The following ZNF532 variants were observed in gnomAD, a reference collection of about 807,000 sequenced individuals.
ZNF532 encodes zinc finger protein 532.
In ZNF532, 22 loss-of-function variants were observed where a neutral mutation model predicts 89.3. That is an observed-to-expected ratio of 0.25 (90% CI 0.18 to 0.35). ZNF532 has a LOEUF of 0.35. Among genes scored for constraint, ZNF532 ranks in the 10% least tolerant of loss-of-function variants. The pLI is 1.00. For synonymous variants in ZNF532, 606 were observed against 649.6 expected, an observed-to-expected ratio of 0.93 and a Z score of 1.02; for missense variants, 1,132 against 1,643.4, an observed-to-expected ratio of 0.69 and a Z score of 5.38.
chr18:58,877,800 G>A (rs78974963), intron 2 of ZNF532, among the ~76,000 whole-genome samples: 743 of 152,312 alleles, frequency 4.9e-3, no homozygotes, highest in East Asian at 0.022. Context: ...TAGGGACAAG[G>A]TTGGGTGTGT....
At chr18:58,972,857 C>T (rs550991145) in intron 7 of ZNF532, among the ~76,000 whole-genome samples, 11 of 152,246 alleles carry the variant, frequency 7.2e-5, no homozygotes, top group South Asian at 4.2e-4. Context: ...TAGAACCTGC[C>T]GATGTTTTCC....
At chr18:58,903,733 CTGAT>C (rs1432648041) in intron 2 of ZNF532, among the ~76,000 whole-genome samples, 1 of 152,050 alleles carries the variant, frequency 6.6e-6, no homozygotes, top group Non-Finnish European at 1.5e-5. Context: ...TGTGGGATAT[CTGAT>C]TGTACATACC....
At chr18:58,936,762 G>A (rs780992410) in intron 4 of ZNF532, among the ~76,000 whole-genome samples, 11 of 152,194 alleles carry the variant, frequency 7.2e-5, no homozygotes, top group South Asian at 4.1e-4. Context: ...AATTTTAAAC[G>A]TAATTCTTTT....
intron 2 of ZNF532, among the ~76,000 whole-genome samples, chr18:58,915,548 C>A (rs2060544138): frequency 6.6e-6 from 1 of 152,260 alleles, no homozygotes; most frequent in South Asian, 2.1e-4. Context: ...CCTAACTCTG[C>A]TTTAGCTGGG....
intron 2 of ZNF532, among the ~76,000 whole-genome samples, chr18:58,890,477 G>C (rs1415104352): frequency 6.6e-6 from 1 of 151,234 alleles, no homozygotes; most frequent in Non-Finnish European, 1.5e-5. Context: ...TGACTTCTGG[G>C]TTTCTTTTTT....
At chr18:58,872,775 C>T (rs532171653) in intron 2 of ZNF532, among the ~76,000 whole-genome samples, 1 of 151,176 alleles carries the variant, frequency 6.6e-6, no homozygotes, top group African/African-American at 2.4e-5. Context: ...TCTCGGCTCA[C>T]TGCAACCTCC....
chr18:58,939,502 A>G lies in ZNF532; in HGVS notation c.2586A>G (p.Gln862=). ...SDVAALKSHI[Q]GSHCEVFYKC... ...TGGCTGCTCTGAAGTCTCACATTCA[A>G]GGTTCTCACTGTGAAGTCTTCTACA... Residue 862 remains glutamine, a synonymous_variant, in exon 5 of 10, where the codon CAA becomes CAG. Transcript: ENST00000591808. 6.2e-7 allele frequency: 1 copy of G among 1,614,074 alleles called. No homozygotes were observed. Among genetic ancestry groups the G allele is most frequent in the Non-Finnish European group, 8.5e-7 (1 of 1,179,996 alleles).
chr18:58,948,435 TACTAAAG>T (rs1359133130), intron 6 of ZNF532, among the ~76,000 whole-genome samples: 3 of 152,186 alleles, frequency 2.0e-5, no homozygotes, highest in African/African-American at 7.2e-5. Context: ...CTGATCTGCC[TACTAAAG>T]ATTAGTGAAA....
chr18:58,959,315 C>T (rs1050514920), intron 7 of ZNF532, among the ~76,000 whole-genome samples: 5 of 148,072 alleles, frequency 3.4e-5, no homozygotes, highest in African/African-American at 7.6e-5. Flanking sequence ...CTCTGTTGCC[C>T]AAGCTAAAGT....
At chr18:58,901,292 A>G (rs973337973) in intron 2 of ZNF532, among the ~76,000 whole-genome samples, 5 of 151,992 alleles carry the variant, frequency 3.3e-5, no homozygotes, top group Non-Finnish European at 4.4e-5. Context: ...GAGTCTAGCT[A>G]TGTTGGCCAG....
intron 7 of ZNF532, among the ~76,000 whole-genome samples, chr18:58,970,904 G>A (rs1379819392): frequency 6.6e-6 from 1 of 152,208 alleles, no homozygotes; most frequent in Non-Finnish European, 1.5e-5. Flanking sequence ...GATGCTGGCA[G>A]CTTGTTAGAA....
chr18:58,941,850 C>T (rs1236434039), intron 5 of ZNF532, among the ~76,000 whole-genome samples: 2 of 147,216 alleles, frequency 1.4e-5, no homozygotes, highest in African/African-American at 2.6e-5. Context: ...CCTCACCTCC[C>T]TTCCTCTTTC....
rs1568315809 is a variant in ZNF532 at position 58,918,907 on chromosome 18, C to G, written c.620C>G (p.Ala207Gly). The G allele has an allele frequency of 1.2e-6, 2 of 1,614,020 alleles. No homozygotes were observed. Among genetic ancestry groups the G allele is most frequent in the Admixed American group, 1.7e-5 (1 of 60,016 alleles). The change falls in exon 3 of 10, where the codon GCC becomes GGC. Residue 207 changes from alanine (A) to glycine (G), a missense_variant. Ala to Gly is a moderately conservative substitution (Grantham distance 60). Coordinates refer to ENST00000591808, the MANE Select transcript of ZNF532 (RefSeq NM_001375912.1). Reference sequence around the variant, plus strand: ...AAAGCTGTTAAGAGAGAAACAGAAGCCAGTTCTATAAACCTGAGTGTTTAT... The same window carrying G: ...AAAGCTGTTAAGAGAGAAACAGAAGGCAGTTCTATAAACCTGAGTGTTTAT... ...KNKAVKRETEASSINLSVYEP... is the reference protein window; with the variant it reads ...KNKAVKRETEGSSINLSVYEP...
intron 7 of ZNF532, chr18:58,954,227 T>G (rs1603286079): frequency 5.1e-6 from 5 of 989,028 alleles, no homozygotes; most frequent in African/African-American, 1.7e-5. Flanking sequence ...TTCCTTGAGT[T>G]TGGTAGTGGG....
At chr18:58,970,068 T>G (rs908860850) in intron 7 of ZNF532, among the ~76,000 whole-genome samples, 4 of 152,038 alleles carry the variant, frequency 2.6e-5, no homozygotes, top group African/African-American at 9.7e-5. Flanking sequence ...GTGTTTTTAA[T>G]AGAGATGGGG....
intron 4 of ZNF532, among the ~76,000 whole-genome samples, chr18:58,938,209 G>C (rs1370439347): frequency 6.6e-6 from 1 of 152,132 alleles, no homozygotes; most frequent in Non-Finnish European, 1.5e-5. Context: ...TCCCTGGGTA[G>C]CTCACATCTG....
At chr18:58,880,328 T>C (rs940676097) in intron 2 of ZNF532, among the ~76,000 whole-genome samples, 1 of 152,202 alleles carries the variant, frequency 6.6e-6, no homozygotes, top group African/African-American at 2.4e-5. Flanking sequence ...TCGTTAGGCC[T>C]CAGAGCAGTG....
intron 4 of ZNF532, among the ~76,000 whole-genome samples, chr18:58,936,648 G>A (rs1245263772): frequency 6.6e-6 from 1 of 152,198 alleles, no homozygotes; most frequent in Non-Finnish European, 1.5e-5. Flanking sequence ...TTTGTGTTAA[G>A]TGTAGATTTT....
intron 8 of ZNF532, chr18:58,979,848 A>C (rs561147668): frequency 6.6e-6 from 1 of 152,502 alleles, no homozygotes; most frequent in East Asian, 1.9e-4. Context: ...TGCAGTCACC[A>C]CTGAAGGTGG....
Sources: allele counts gnomAD v4.1 joint callset (sites outside exome capture counted in the v4.1 genomes callset), GRCh38; gene constraint gnomAD v4.1.1; transcripts MANE v1.5; gene names NCBI Gene and HGNC (gene_info 2026-07-23, HGNC 2026-07-21).